PARP16: variants seen among roughly 807,000 people sequenced by gnomAD.
PARP16 encodes protein mono-ADP-ribosyltransferase PARP16.
PARP16 carries 31 observed loss-of-function variants against 35.0 expected under a neutral mutation model. That is an observed-to-expected ratio of 0.88 (90% CI 0.66 to 1.19). The LOEUF (loss-of-function observed/expected upper bound fraction) is 1.19, where lower values mean the gene tolerates loss of function less well. Among genes scored for constraint, PARP16 ranks in the 50% most tolerant of loss-of-function variants. The pLI is 0.00. For missense variants in PARP16, 424 were observed against 411.2 expected (o/e 1.03, Z -0.27); for synonymous variants, 162 against 169.5 (o/e 0.96, Z 0.34).
rs374801103 is a variant in PARP16, at chr15:65,244,288, T to A, written c.*97+3829A>T. 5.9e-5 allele frequency among the ~76,000 whole-genome samples: 9 copies of A among 152,314 alleles called. No homozygotes were observed. The East Asian group carries it at 1.3e-3, about 23-fold the overall frequency. Reference sequence around the variant, plus strand: ...TCACACTCCATCATTGTTTACTTACTATATTAGTCTGTTCTCATGCTGCTA... The same window carrying A: ...TCACACTCCATCATTGTTTACTTACAATATTAGTCTGTTCTCATGCTGCTA... On this transcript the variant is annotated intron_variant and NMD_transcript_variant, in intron 3 of 3. Coordinates refer to the PARP16 transcript ENST00000559805.
chr15:65,273,792 C>T (rs1339242550), intron 1 of PARP16, among the ~76,000 whole-genome samples: 4 of 150,782 alleles, frequency 2.7e-5, no homozygotes, highest in Non-Finnish European at 5.9e-5. Flanking sequence ...AGGAAAGTCG[C>T]TTGAACCCAG....
intron 1 of PARP16, among the ~76,000 whole-genome samples, chr15:65,281,281 G>A (rs919774477): frequency 2.0e-5 from 3 of 152,224 alleles, no homozygotes; most frequent in Admixed American, 1.3e-4. Context: ...GTCCCAAAAA[G>A]CAAGGTGAGA....
chr15:65,246,886 G>A (rs1185947981), intron 3 of PARP16, among the ~76,000 whole-genome samples: 1 of 152,148 alleles, frequency 6.6e-6, no homozygotes, highest in African/African-American at 2.4e-5. Flanking sequence ...TTGTCAACGT[G>A]TCTACTGAAC....
At chr15:65,268,589 G>A (rs945576744) in intron 2 of PARP16, among the ~76,000 whole-genome samples, 34 of 152,156 alleles carry the variant, frequency 2.2e-4, no homozygotes, top group African/African-American at 8.2e-4. Context: ...GGGACTATAG[G>A]TGCAACTACT....
chr15:65,263,778 C>T (rs615654), intron 3 of PARP16, among the ~76,000 whole-genome samples: 2,404 of 152,192 alleles, frequency 0.016, 55 homozygotes, highest in African/African-American at 0.049. Flanking sequence ...ACATCTGGCA[C>T]ATCTAAATAA....
In PARP16 at chr15:65,258,677, A is replaced by G. The variant is rs1332042363; in HGVS notation, c.*730T>C. On this transcript the variant is annotated 3_prime_UTR_variant, in exon 6 of 6. Coordinates refer to ENST00000649807, the MANE Select transcript of PARP16 (RefSeq NM_001316943.2). Reference sequence around the variant, plus strand: ...CTATTAAAAAAAAATCAGAAAACAAACATTTGGTTCCATTTCAGCTGTAAT... The same window carrying G: ...CTATTAAAAAAAAATCAGAAAACAAGCATTTGGTTCCATTTCAGCTGTAAT... 6.6e-6 allele frequency: 1 copy of G among 152,558 alleles called. No homozygotes were observed. Among genetic ancestry groups the G allele is most frequent in the Non-Finnish European group, 1.5e-5 (1 of 68,028 alleles). The allele number at this position is 152,558 out of a possible 1,614,324, so 9.5% of individuals were successfully genotyped here. A position where few individuals can be genotyped will look rare whatever the true frequency, so the allele number is the denominator to read the frequency against.
At chr15:65,252,706 G>A (rs1028840066) in intron 2 of PARP16, among the ~76,000 whole-genome samples, 4 of 152,102 alleles carry the variant, frequency 2.6e-5, no homozygotes, top group Admixed American at 1.3e-4. Flanking sequence ...TTTCTCTTTC[G>A]CCACCCTCTC....
At position 65,266,647 on chromosome 15, in the gene PARP16, C is replaced by G; in HGVS notation, c.434G>C (p.Arg145Pro). Residue 145 changes from arginine (R) to proline (P), a missense_variant, in exon 3 of 6, where the codon CGA becomes CCA. Arg to Pro is a moderately radical substitution (Grantham distance 103, BLOSUM62 -2). Transcript: ENST00000649807. ...ACCATGAAATGCATAGATTAGGTCT[C>G]GTTCTCCTTTGGTCTCATAAAATTT... ...NAKFYETKGE[R>P]DLIYAFHGSR... is the part of the protein sequence containing the mutation. 1 of 1,614,126 alleles carries G rather than the reference C, an allele frequency of 6.2e-7. No individual in the cohort carries two copies. The highest frequency in any genetic ancestry group is 8.5e-7 in the Non-Finnish European group (1 of 1,179,994).
intron 3 of PARP16, among the ~76,000 whole-genome samples, chr15:65,237,316 C>T (rs1172360586): frequency 4.6e-5 from 7 of 152,142 alleles, no homozygotes; most frequent in Admixed American, 3.9e-4. Context: ...GTGAGTCACC[C>T]CTTATTTGTC....
intron 1 of PARP16, among the ~76,000 whole-genome samples, chr15:65,281,647 C>T (rs921950781): frequency 5.3e-5 from 8 of 150,316 alleles, no homozygotes; most frequent in South Asian, 2.1e-4. Flanking sequence ...GCCGAGACCG[C>T]GCCATTGCAC....
intron 1 of PARP16, among the ~76,000 whole-genome samples, chr15:65,279,034 G>A (rs186056187): frequency 9.2e-5 from 14 of 152,290 alleles, no homozygotes; most frequent in South Asian, 4.1e-4. Context: ...AAACAGATTA[G>A]GGATCAGAGT....
chr15:65,257,423 G>T (rs1216377971), downstream of PARP16, among the ~76,000 whole-genome samples: 1 of 150,406 alleles, frequency 6.6e-6, no homozygotes, highest in African/African-American at 2.5e-5. Context: ...GACAGAGCGA[G>T]ACTCCAGCTC....
At chr15:65,266,800 T>C (rs774518158) in intron 2 of PARP16, 32 bp from the exon 3 acceptor site, 9 of 1,522,840 alleles carry the variant, frequency 5.9e-6, no homozygotes, top group Middle Eastern at 3.4e-4. Flanking sequence ...AAAATTTTAT[T>C]TGGGGAGCTG....
At chr15:65,238,931 C>G (rs986850075) in intron 3 of PARP16, among the ~76,000 whole-genome samples, 2 of 152,122 alleles carry the variant, frequency 1.3e-5, no homozygotes, top group Non-Finnish European at 2.9e-5. Flanking sequence ...GAGTTTGAGA[C>G]CAGCCTAGGC....
intron 2 of PARP16, among the ~76,000 whole-genome samples, chr15:65,249,643 T>G (rs185722718): frequency 2.8e-4 from 42 of 151,944 alleles, no homozygotes; most frequent in African/African-American, 1.0e-3. Flanking sequence ...GGTGACTGTT[T>G]GTTCTCTGAT....
chr15:65,267,971 G>A (rs190169427), intron 2 of PARP16, among the ~76,000 whole-genome samples: 339 of 152,036 alleles, frequency 2.2e-3, no homozygotes, highest in Non-Finnish European at 4.0e-3. Context: ...GATTACAGGC[G>A]TGAGCCACCA....
At chr15:65,269,851 A>C (rs2090038891) in intron 2 of PARP16, among the ~76,000 whole-genome samples, 1 of 152,168 alleles carries the variant, frequency 6.6e-6, no homozygotes, top group Admixed American at 6.5e-5. Context: ...AGCACCCAAC[A>C]TCTAGTAGGT....
At chr15:65,262,997 T>C in intron 4 of PARP16, 152 bp downstream of exon 4, 1 of 673,950 alleles carries the variant, frequency 1.5e-6, no homozygotes, top group Non-Finnish European at 2.6e-6. Context: ...AGAAGACTGC[T>C]CGCTCCTTGG....
intron 3 of PARP16, among the ~76,000 whole-genome samples, chr15:65,239,035 G>T (rs2088964774): frequency 6.6e-6 from 1 of 152,126 alleles, no homozygotes; most frequent in African/African-American, 2.4e-5. Flanking sequence ...GGAGGCTGAG[G>T]CAGGAGGATT....
Sources: allele counts gnomAD v4.1 joint callset (sites outside exome capture counted in the v4.1 genomes callset), GRCh38; gene constraint gnomAD v4.1.1; transcripts MANE v1.5; gene names NCBI Gene and HGNC (gene_info 2026-07-23, HGNC 2026-07-21).